The following EXOC6B variants were observed in gnomAD, a reference collection of about 807,000 sequenced individuals.
EXOC6B encodes the protein exocyst complex component 6B, also known as SEC15 homolog B.
EXOC6B carries 54 observed loss-of-function variants against 113.5 expected under a neutral mutation model. The ratio of observed to expected loss-of-function variants is 0.48; its 90% CI spans 0.38 to 0.60. The LOEUF (loss-of-function observed/expected upper bound fraction) is 0.60, where lower values mean the gene tolerates loss of function less well. Ranked by LOEUF, EXOC6B falls within the 20% of genes least tolerant of loss-of-function variation. EXOC6B has a pLI of 0.00. For synonymous variants in EXOC6B, 357 were observed against 339.0 expected (o/e 1.05, Z -0.58); for missense variants, 797 against 977.5 (o/e 0.82, Z 2.46).
intron 6 of EXOC6B, among the ~76,000 whole-genome samples, chr2:72,699,904 A>C (rs1350671984): frequency 6.6e-6 from 1 of 152,264 alleles, no homozygotes; most frequent in East Asian, 1.9e-4. Context: ...GTCATCCCTC[A>C]GTATCCACAA....
intron 18 of EXOC6B, among the ~76,000 whole-genome samples, chr2:72,449,432 A>G (rs1696781978): frequency 6.6e-6 from 1 of 151,634 alleles, no homozygotes; most frequent in South Asian, 2.1e-4. Context: ...CTGCCTCCCA[A>G]AGTGCTGGAA....
At chr2:72,528,227 T>C (rs1411730233) in intron 8 of EXOC6B, among the ~76,000 whole-genome samples, 1 of 152,118 alleles carries the variant, frequency 6.6e-6, no homozygotes, top group Non-Finnish European at 1.5e-5. Flanking sequence ...TAAAATGTAA[T>C]AATAATTTCT....
At chr2:72,392,461 T>A (rs1011602268) in intron 18 of EXOC6B, among the ~76,000 whole-genome samples, 3 of 152,232 alleles carry the variant, frequency 2.0e-5, no homozygotes, top group Admixed American at 2.0e-4. Flanking sequence ...ATTCAAATAA[T>A]TCATCTTTGA....
chr2:72,628,849 A>G (rs1486831543), intron 6 of EXOC6B, among the ~76,000 whole-genome samples: 12 of 152,132 alleles, frequency 7.9e-5, no homozygotes. Flanking sequence ...AGAAATGACT[A>G]AGGCAGAAAT....
At chr2:72,649,817 G>A (rs1249245059) in intron 6 of EXOC6B, among the ~76,000 whole-genome samples, 1 of 151,958 alleles carries the variant, frequency 6.6e-6, no homozygotes, top group Admixed American at 6.6e-5. Context: ...AATGGAGGAA[G>A]AACAGCCTTT....
chr2:72,635,731 G>A (rs1176053229), intron 6 of EXOC6B, among the ~76,000 whole-genome samples: 5 of 152,128 alleles, frequency 3.3e-5, no homozygotes, highest in African/African-American at 1.2e-4. Context: ...GTCAAAACCA[G>A]ACAAAGACAG....
intron 20 of EXOC6B, among the ~76,000 whole-genome samples, chr2:72,304,758 T>C (rs147356514): frequency 6.6e-5 from 10 of 152,324 alleles, no homozygotes; most frequent in African/African-American, 2.4e-4. Context: ...ATATCAGTTC[T>C]GTTACCAATC....
At chr2:72,407,618 T>C (rs1218775301) in intron 18 of EXOC6B, among the ~76,000 whole-genome samples, 4 of 152,140 alleles carry the variant, frequency 2.6e-5, no homozygotes, top group African/African-American at 9.7e-5. Flanking sequence ...AAAAACCACA[T>C]GATTATCTCA....
intron 6 of EXOC6B, among the ~76,000 whole-genome samples, chr2:72,700,472 A>C (rs985378968): frequency 6.6e-6 from 1 of 152,188 alleles, no homozygotes; most frequent in Non-Finnish European, 1.5e-5. Flanking sequence ...CTCTGCTTAG[A>C]GGTTACAGTG....
chr2:72,449,245 C>A lies in EXOC6B; in HGVS notation c.1980+15915G>T, dbSNP rs544255278. Among the ~76,000 whole-genome samples the A allele has an allele frequency of 1.7e-4, 26 of 151,764 alleles. No individual in the cohort carries two copies. The East Asian group carries it at 4.9e-3, about 28-fold the overall frequency. On this transcript the variant is annotated intron_variant, in intron 18 of 21. Transcript: ENST00000272427. The stretch of plus-strand genomic sequence containing the variant: ...TCGCCCAGGCTGGAGTGCAGTGGTG[C>A]GATCTCGGCTCGCTGCAAGCTCTGC...
intron 2 of EXOC6B, among the ~76,000 whole-genome samples, chr2:72,733,775 T>C (rs1208774634): frequency 2.0e-5 from 3 of 152,334 alleles, no homozygotes; most frequent in Admixed American, 2.0e-4. Context: ...AAATTAATTA[T>C]ATAGGATAGT....
At chr2:72,731,121 C>A in intron 4 of EXOC6B, 34 bp downstream of exon 4, 1 of 1,582,746 alleles carries the variant, frequency 6.3e-7, no homozygotes, top group South Asian at 1.2e-5. Context: ...AAAAAAATTA[C>A]ACCAAGAATC....
Position 72,538,536 on chromosome 2 carries a change from G to C in EXOC6B, c.915+20917C>G, listed in dbSNP as rs1270045092. The stretch of plus-strand genomic sequence containing the variant: ...TTCCTTTTTTGGCGATGAGTCTTTG[G>C]TGTGTATCTTACACTTAACAGCACA... On this transcript the variant is annotated intron_variant, in intron 8 of 21. Coordinates refer to ENST00000272427, the MANE Select transcript of EXOC6B (RefSeq NM_015189.3). 2.0e-5 allele frequency among the ~76,000 whole-genome samples: 3 copies of C among 151,880 alleles called. No homozygotes were observed. In the East Asian group the frequency reaches 5.8e-4, roughly 29 times the overall value.
chr2:72,735,993 G>C (rs1156518789), intron 2 of EXOC6B, among the ~76,000 whole-genome samples: 2 of 151,940 alleles, frequency 1.3e-5, no homozygotes, highest in Non-Finnish European at 2.9e-5. Context: ...AGACCAGCCT[G>C]GCCAACATGG....
intron 8 of EXOC6B, among the ~76,000 whole-genome samples, chr2:72,545,757 TAA>T (rs1702863032): frequency 1.3e-5 from 2 of 152,354 alleles, no homozygotes; most frequent in South Asian, 4.1e-4. Context: ...AAAAGTATCT[TAA>T]GTCTAACTTT....
chr2:72,341,119 T>A (rs1689009907), intron 19 of EXOC6B, among the ~76,000 whole-genome samples: 1 of 152,168 alleles, frequency 6.6e-6, no homozygotes. Context: ...CCATTAATTA[T>A]CTAGGGTATG....
intron 12 of EXOC6B, among the ~76,000 whole-genome samples, chr2:72,499,569 C>A (rs1289857295): frequency 2.0e-5 from 3 of 151,048 alleles, no homozygotes; most frequent in Non-Finnish European, 2.9e-5. Flanking sequence ...TCTCTATCAC[C>A]CATGCAGGAG....
chr2:72,587,796 T>G (rs1052765788), intron 6 of EXOC6B, among the ~76,000 whole-genome samples: 1 of 151,900 alleles, frequency 6.6e-6, no homozygotes, highest in Admixed American at 6.6e-5. Context: ...TTAATACCCA[T>G]AGTATATGAA....
At chr2:72,764,247 G>T (rs1682923982) in intron 1 of EXOC6B, among the ~76,000 whole-genome samples, 3 of 150,232 alleles carry the variant, frequency 2.0e-5, no homozygotes, top group South Asian at 2.1e-4. Context: ...TTTTTCTAAA[G>T]ATTGCTTTTG....
Sources: gnomAD v4.1 joint callset for allele counts (sites outside exome capture counted in the v4.1 genomes callset) on GRCh38, gnomAD v4.1.1 for gene constraint, MANE v1.5 for transcripts, NCBI Gene and HGNC (gene_info 2026-07-23, HGNC 2026-07-21) for gene names.